Variants in RPUSD2 observed in about 807,000 individuals in gnomAD.
RPUSD2 encodes the protein pseudouridylate synthase RPUSD2.
A neutral mutation model predicts 41.5 loss-of-function variants in RPUSD2; 31 were observed. That is an observed-to-expected ratio of 0.75 (90% CI 0.56 to 1.01). RPUSD2 has a LOEUF of 1.01. RPUSD2 is among the 50% of genes least tolerant of loss of function. The pLI, the probability that RPUSD2 is intolerant of heterozygous loss-of-function variation, is 0.00. For synonymous variants in RPUSD2, 305 were observed against 289.7 expected, an observed-to-expected ratio of 1.05 and a Z score of -0.54; for missense variants, 749 against 724.7, an observed-to-expected ratio of 1.03 and a Z score of -0.38.
In RPUSD2 at chr15:40,573,694, C is replaced by G; in HGVS notation, c.1071C>G (p.Ser357=). Residue 357 remains serine, a synonymous_variant, in exon 3 of 3, where the codon TCC becomes TCG. Coordinates refer to ENST00000315616, the MANE Select transcript of RPUSD2 (RefSeq NM_152260.3). ...AGAGGCTAAGCTACAATGGCCAGTC[C>G]AGTGTGGTACGGTGCCGGCCACTCA... The part of the protein sequence containing the change: ...VFQRLSYNGQ[S]SVVRCRPLTG... The G allele has an allele frequency of 6.2e-7, 1 of 1,614,166 alleles. No homozygotes were observed. The highest frequency in any genetic ancestry group is 8.5e-7 in the Non-Finnish European group (1 of 1,180,024).
Position 40,571,654 on chromosome 15 carries a change from A to AG in RPUSD2, c.658dup (p.Ala220GlyfsTer9). The AG allele has an allele frequency of 4.3e-6, 7 of 1,614,236 alleles. No individual in the cohort carries two copies. Among genetic ancestry groups the AG allele is most frequent in the Non-Finnish European group, 1.7e-6 (2 of 1,180,022 alleles). On this transcript the variant is annotated frameshift_variant, in exon 2 of 3. Transcript: ENST00000315616. LOFTEE classifies it high-confidence loss of function. Reference sequence around the variant, plus strand: ...TGCACAGGCATGAGCCACCAGTCACAGCAGAGCCCATTCGCCTGCTAGCTG... The same window carrying AG: ...TGCACAGGCATGAGCCACCAGTCACAGGCAGAGCCCATTCGCCTGCTAGCTG...
Position 40,569,566 on chromosome 15 carries a change from C to T in RPUSD2, c.229C>T (p.Arg77Trp), listed in dbSNP as rs767367052. 9 of 1,533,916 alleles carry T rather than the reference C, an allele frequency of 5.9e-6. No homozygotes were observed. The East Asian group carries it at 9.1e-5, about 15-fold the overall frequency. Residue 77 changes from arginine (R) to tryptophan (W), a missense_variant, in exon 1 of 3, where the codon CGG becomes TGG. Coordinates refer to ENST00000315616, the MANE Select transcript of RPUSD2 (RefSeq NM_152260.3). ...LSPGPPKPAGREVEPAPVGGE... is the reference protein window; with the variant it reads ...LSPGPPKPAGWEVEPAPVGGE... ...CCCCGGGCCCCCGAAGCCGGCTGGCCGGGAAGTGGAGCCGGCCCCAGTAGG... is the reference window on the plus strand; with the variant it reads ...CCCCGGGCCCCCGAAGCCGGCTGGCTGGGAAGTGGAGCCGGCCCCAGTAGG...
rs773103215 is a variant in RPUSD2 at position 40,573,748 on chromosome 15, C to CTTGGG, written c.1125_1126insTTGGG (p.Gln377GlyfsTer42). 1 of 1,614,220 alleles carries CTTGGG rather than the reference C, an allele frequency of 6.2e-7. No individual in the cohort carries two copies. Among genetic ancestry groups the CTTGGG allele is most frequent in the Admixed American group, 1.7e-5 (1 of 60,034 alleles). On this transcript the variant is annotated frameshift_variant, in exon 3 of 3. Coordinates refer to ENST00000315616, the MANE Select transcript of RPUSD2 (RefSeq NM_152260.3). LOFTEE classifies it high-confidence loss of function. ...GCCGCACACACCAGATTCGAGTCCACCTTCAGTTCTTGGGCCATCCCATTC... is the reference window on the plus strand; with the variant it reads ...GCCGCACACACCAGATTCGAGTCCACTTGGGCTTCAGTTCTTGGGCCATCCCATTC...
chr15:40,569,957 G>T lies in RPUSD2; in HGVS notation c.606+14G>T, dbSNP rs967598579. ...ATCGTGCTCAAGGTGGAGTCCTGATGGGGCTGGCCAGAAGCGGGCGAGGAA... is the reference window on the plus strand; with the variant it reads ...ATCGTGCTCAAGGTGGAGTCCTGATTGGGCTGGCCAGAAGCGGGCGAGGAA... On this transcript the variant is annotated intron_variant, in intron 1 of 2. Transcript: ENST00000315616. 2 of 1,510,068 alleles carry T rather than the reference G, an allele frequency of 1.3e-6. No homozygotes were observed. Among genetic ancestry groups the T allele is most frequent in the Admixed American group, 2.3e-5 (1 of 42,664 alleles). 93.5% of individuals were successfully genotyped at this position (1,510,068 alleles called of 1,614,324 possible). A position where few individuals can be genotyped will look rare whatever the true frequency, so the allele number is the denominator to read the frequency against.
At chr15:40,573,304 C>T (rs936680470) in intron 2 of RPUSD2, among the ~76,000 whole-genome samples, 6 of 152,180 alleles carry the variant, frequency 3.9e-5, no homozygotes, top group African/African-American at 1.4e-4. Flanking sequence ...GGATTACAGG[C>T]GTGAGCCACC....
intron 1 of RPUSD2, among the ~76,000 whole-genome samples, chr15:40,570,690 G>A (rs1891116888): frequency 6.6e-6 from 1 of 152,208 alleles, no homozygotes; most frequent in South Asian, 2.1e-4. Context: ...TTGGGGAATG[G>A]ATGGTTTTGG....
At chr15:40,570,109 C>A (rs183492914) in intron 1 of RPUSD2, 166 bp downstream of exon 1, 231 of 971,746 alleles carry the variant, frequency 2.4e-4, no homozygotes, top group Admixed American at 3.4e-4. Flanking sequence ...AGCCCGTTTC[C>A]CACCTCCGCA....
rs770937464 is a variant in RPUSD2, at chr15:40,573,839, AAGACAAACG to A, written c.1219_1227del (p.Thr407_Glu409del). The A allele has an allele frequency of 6.2e-7, 1 of 1,614,124 alleles. No individual in the cohort carries two copies. Among genetic ancestry groups the A allele is most frequent in the Non-Finnish European group, 8.5e-7 (1 of 1,180,014 alleles). ...TCGAGGCCGGGGCGGCTACATTCCC[AAGACAAACG>A]AGGAGTTGCTACGGGACCTGGTAGC... On this transcript the variant is annotated inframe_deletion, in exon 3 of 3. Coordinates refer to ENST00000315616, the MANE Select transcript of RPUSD2 (RefSeq NM_152260.3).
chr15:40,574,316 G>T lies in RPUSD2; in HGVS notation c.*55G>T. On this transcript the variant is annotated 3_prime_UTR_variant, in exon 3 of 3. Transcript: ENST00000315616. ...GGGTTGTGACAAGGATGGGCTATAG[G>T]GCAAGGGCTGACCCCATGGGCTAGT... The T allele has an allele frequency of 1.3e-6, 2 of 1,560,660 alleles. No homozygotes were observed. The highest frequency in any genetic ancestry group is 1.2e-5 in the South Asian group (1 of 82,192).
Position 40,574,469 on chromosome 15 carries a change from G to A in RPUSD2, c.*208G>A, listed in dbSNP as rs1342154803. 4.1e-6 allele frequency: 2 copies of A among 487,392 alleles called. No individual in the cohort carries two copies. The highest frequency in any genetic ancestry group is 7.1e-6 in the Non-Finnish European group (2 of 281,000). 30.2% of individuals were successfully genotyped at this position (487,392 alleles called of 1,614,324 possible). Reference sequence around the variant, plus strand: ...TATCCCTTTTTCTAACATCTTTGATGTCTGGTTTTCTTCCGGCTTCTTTTT... The same window carrying A: ...TATCCCTTTTTCTAACATCTTTGATATCTGGTTTTCTTCCGGCTTCTTTTT... On this transcript the variant is annotated 3_prime_UTR_variant, in exon 3 of 3. Coordinates refer to ENST00000315616, the MANE Select transcript of RPUSD2 (RefSeq NM_152260.3).
rs187002365 is a variant in RPUSD2 at position 40,574,400 on chromosome 15, A to G, written c.*139A>G. 8.2e-4 allele frequency: 790 copies of G among 966,456 alleles called. 5 individuals carry two copies. In the Middle Eastern group the frequency reaches 0.015, roughly 18 times the overall value. 59.9% of individuals were successfully genotyped at this position (966,456 alleles called of 1,614,324 possible). A position where few individuals can be genotyped will look rare whatever the true frequency, so the allele number is the denominator to read the frequency against. On this transcript the variant is annotated 3_prime_UTR_variant, in exon 3 of 3. Transcript: ENST00000315616. ...CTAAAGAGACCTGCTCATACTTGCT[A>G]CCTCCTTCCAGTGGGAATTTGGAGA...
Position 40,574,882 on chromosome 15 carries a change from T to C in RPUSD2, c.*621T>C, listed in dbSNP as rs1891221282. On this transcript the variant is annotated 3_prime_UTR_variant, in exon 3 of 3. Coordinates refer to ENST00000315616, the MANE Select transcript of RPUSD2 (RefSeq NM_152260.3). The stretch of plus-strand genomic sequence containing the variant: ...CAGCCTCTGGCAACCACTAATCTAC[T>C]TTCTGTCTGTTTGGATTTGCCTGTT... 6.6e-6 allele frequency: 1 copy of C among 152,216 alleles called. No individual in the cohort carries two copies. The highest frequency in any genetic ancestry group is 2.4e-5 in the African/African-American group (1 of 41,446). 9.4% of individuals were successfully genotyped at this position (152,216 alleles called of 1,614,324 possible). A position where few individuals can be genotyped will look rare whatever the true frequency, so the allele number is the denominator to read the frequency against.
intron 2 of RPUSD2, among the ~76,000 whole-genome samples, chr15:40,572,301 G>A (rs900378372): frequency 6.7e-6 from 1 of 150,298 alleles, no homozygotes; most frequent in Admixed American, 6.6e-5. Flanking sequence ...AGTGGCTCAC[G>A]CCTGTAATCC....
At chr15:40,573,023 T>TTC (rs1186133364) in intron 2 of RPUSD2, among the ~76,000 whole-genome samples, 4 of 56,964 alleles carry the variant, frequency 7.0e-5, no homozygotes, top group Admixed American at 1.6e-4. Context: ...TTCTTTTCTT[T>TTC]TTTTTTTTTT....
Position 40,574,287 on chromosome 15 carries a change from T to A in RPUSD2, c.*26T>A, listed in dbSNP as rs765731823. On this transcript the variant is annotated 3_prime_UTR_variant, in exon 3 of 3. Transcript: ENST00000315616. Reference sequence around the variant, plus strand: ...GGGTGTGGCCAATGGAGGGATTGCTTCTTGGGTTGTGACAAGGATGGGCTA... The same window carrying A: ...GGGTGTGGCCAATGGAGGGATTGCTACTTGGGTTGTGACAAGGATGGGCTA... 1.3e-5 allele frequency: 21 copies of A among 1,591,158 alleles called. No homozygotes were observed. The Admixed American group carries it at 3.2e-4, about 24-fold the overall frequency.
At position 40,571,934 on chromosome 15, in the gene RPUSD2, C is replaced by T. The variant is rs1053071929; in HGVS notation, c.903+34C>T. 3.8e-6 allele frequency: 6 copies of T among 1,598,048 alleles called. No individual in the cohort carries two copies. In the African/African-American group the frequency reaches 5.4e-5, roughly 14 times the overall value. On this transcript the variant is annotated intron_variant, in intron 2 of 2. Coordinates refer to ENST00000315616, the MANE Select transcript of RPUSD2 (RefSeq NM_152260.3). Reference sequence around the variant, plus strand: ...GGCTTTTGTCTCCTACAGGCCACTTCTTGGGCTCACGAATGCTCTGTGTCA... The same window carrying T: ...GGCTTTTGTCTCCTACAGGCCACTTTTTGGGCTCACGAATGCTCTGTGTCA...
rs192363144 is a variant in RPUSD2, at chr15:40,571,152, C to T, written c.607-452C>T. Among the ~76,000 whole-genome samples the T allele has an allele frequency of 1.2e-3, 190 of 152,252 alleles. 1 individual carries two copies. Among genetic ancestry groups the T allele is most frequent in the Non-Finnish European group, 7.6e-4 (52 of 68,018 alleles). ...GGATTACAGGCATGTGCCACCACGCCTGCTAATTTTTGTATTTTTAGTAGA... is the reference window on the plus strand; with the variant it reads ...GGATTACAGGCATGTGCCACCACGCTTGCTAATTTTTGTATTTTTAGTAGA... On this transcript the variant is annotated intron_variant, in intron 1 of 2. Coordinates refer to ENST00000315616, the MANE Select transcript of RPUSD2 (RefSeq NM_152260.3).
rs1444414079 is a variant in RPUSD2 at position 40,574,004 on chromosome 15, G to T, written c.1381G>T (p.Ala461Ser). 1.2e-6 allele frequency: 2 copies of T among 1,614,136 alleles called. No individual in the cohort carries two copies. Among genetic ancestry groups the T allele is most frequent in the South Asian group, 1.1e-5 (1 of 91,082 alleles). ...KDDLEELAAA[A>S]QKMEEVAEAA... Reference sequence around the variant, plus strand: ...CGACCTGGAAGAGTTGGCTGCAGCTGCCCAGAAGATGGAGGAAGTAGCTGA... The same window carrying T: ...CGACCTGGAAGAGTTGGCTGCAGCTTCCCAGAAGATGGAGGAAGTAGCTGA... The change falls in exon 3 of 3, where the codon GCC (alanine) becomes TCC (serine). Residue 461 changes from alanine (A) to serine (S), a missense_variant. Transcript: ENST00000315616.
At chr15:40,572,993 A>G (rs538793323) in intron 2 of RPUSD2, among the ~76,000 whole-genome samples, 1 of 151,008 alleles carries the variant, frequency 6.6e-6, no homozygotes, top group East Asian at 1.9e-4. Flanking sequence ...TCACAGCCCA[A>G]TGAGGTAAAT....
Sources: allele counts gnomAD v4.1 joint callset (sites outside exome capture counted in the v4.1 genomes callset), GRCh38; gene constraint gnomAD v4.1.1; transcripts MANE v1.5; gene names NCBI Gene and HGNC (gene_info 2026-07-23, HGNC 2026-07-21).